Variants in BMPR1B observed in about 807,000 individuals in gnomAD.
BMPR1B encodes bone morphogenetic protein receptor type 1B.
Under a neutral mutation model 59.1 loss-of-function variants are expected in BMPR1B, and 12 were observed. The ratio of observed to expected loss-of-function variants is 0.20; its 90% CI spans 0.13 to 0.33. BMPR1B has a LOEUF of 0.33. Among genes scored for constraint, BMPR1B ranks in the 10% least tolerant of loss-of-function variants. The pLI is 1.00. For missense variants in BMPR1B, 550 were observed against 610.9 expected (o/e 0.90, Z 1.05); for synonymous variants, 237 against 207.3 (o/e 1.14, Z -1.23).
chr4:94,904,589 TA>T (rs1443201690), intron 2 of BMPR1B, among the ~76,000 whole-genome samples: 1 of 152,052 alleles, frequency 6.6e-6, no homozygotes, highest in Non-Finnish European at 1.5e-5. Flanking sequence ...TCAAAGACTG[TA>T]AACCTTTGTT....
At chr4:94,841,646 A>T (rs1424334275) in intron 1 of BMPR1B, among the ~76,000 whole-genome samples, 1 of 151,914 alleles carries the variant, frequency 6.6e-6, no homozygotes, top group East Asian at 1.9e-4. Flanking sequence ...GCACCCACTG[A>T]TCTGCGCCCA....
At position 94,942,382 on chromosome 4, in the gene BMPR1B, G is replaced by A. The variant is rs560722465; in HGVS notation, c.-112-53658G>A. Among the ~76,000 whole-genome samples, 95 of 152,122 alleles carry A rather than the reference G, an allele frequency of 6.2e-4. 1 individual carries two copies. In the South Asian group the frequency reaches 0.016, roughly 26 times the overall value. On this transcript the variant is annotated intron_variant, in intron 2 of 12. Coordinates refer to ENST00000515059, the MANE Select transcript of BMPR1B (RefSeq NM_001203.3). ...CTTTAAAATTATTTGGTTAGTGATC[G>A]TAAATGACTGAGAACATGTGTGACT...
intron 1 of BMPR1B, among the ~76,000 whole-genome samples, chr4:94,844,258 A>T (rs1160757881): frequency 2.0e-5 from 2 of 99,122 alleles, no homozygotes; most frequent in Admixed American, 9.4e-5. Flanking sequence ...TGTGTGTGTG[A>T]ATCTTCTAGT....
chr4:95,124,041 G>T, intron 7 of BMPR1B, 135 bp downstream of exon 7: 2 of 643,930 alleles, frequency 3.1e-6, no homozygotes, highest in Non-Finnish European at 5.4e-6. Flanking sequence ...AACTGAAAAT[G>T]TCTGTTACTG....
chr4:95,086,256 G>C (rs542536565), intron 3 of BMPR1B, among the ~76,000 whole-genome samples: 2 of 152,094 alleles, frequency 1.3e-5, no homozygotes, highest in Non-Finnish European at 2.9e-5. Context: ...GTTCGTTGCT[G>C]TTTGTGTTTA....
At chr4:94,908,331 T>C (rs532282067) in intron 2 of BMPR1B, among the ~76,000 whole-genome samples, 9 of 150,874 alleles carry the variant, frequency 6.0e-5, no homozygotes, top group African/African-American at 2.2e-4. Flanking sequence ...TTGAAATTGT[T>C]TTTTTTTTGG....
chr4:94,956,541 G>A (rs1198272086), intron 2 of BMPR1B, among the ~76,000 whole-genome samples: 1 of 152,220 alleles, frequency 6.6e-6, no homozygotes, highest in Middle Eastern at 3.4e-3. Context: ...AACTGGTAAA[G>A]CTCATCTCCA....
At chr4:94,844,662 C>A (rs946120742) in intron 1 of BMPR1B, among the ~76,000 whole-genome samples, 1 of 91,148 alleles carries the variant, frequency 1.1e-5, no homozygotes, top group South Asian at 4.3e-4. Flanking sequence ...TTATGTCTGC[C>A]TGACTTCCCC....
intron 2 of BMPR1B, among the ~76,000 whole-genome samples, chr4:94,991,708 G>T (rs1282480883): frequency 4.6e-5 from 7 of 152,168 alleles, no homozygotes; most frequent in African/African-American, 1.4e-4. Context: ...CAAGATGAAA[G>T]AATAAAGTGG....
rs7662327 is a variant in BMPR1B, at chr4:94,979,558, C to A, written c.-112-16482C>A. ...GTTTTAACTGGCCAGGTATAGAAACCTTGTGTTTTTGTAAGAAAAGAGGAA... is the reference window on the plus strand; with the variant it reads ...GTTTTAACTGGCCAGGTATAGAAACATTGTGTTTTTGTAAGAAAAGAGGAA... On this transcript the variant is annotated intron_variant, in intron 2 of 12. Transcript: ENST00000515059. Among the ~76,000 whole-genome samples the A allele has an allele frequency of 1.4e-4, 22 of 152,238 alleles. 1 individual carries two copies. Among genetic ancestry groups the A allele is most frequent in the African/African-American group, 5.3e-4 (22 of 41,548 alleles).
chr4:94,902,218 A>T (rs1448790831), intron 2 of BMPR1B, among the ~76,000 whole-genome samples: 2 of 47,842 alleles, frequency 4.2e-5, no homozygotes, highest in Non-Finnish European at 8.6e-5. Flanking sequence ...AATTCAATTC[A>T]CACACACACA....
intron 3 of BMPR1B, among the ~76,000 whole-genome samples, chr4:95,023,779 C>A (rs1281159251): frequency 1.3e-5 from 2 of 152,118 alleles, no homozygotes; most frequent in East Asian, 1.9e-4. Flanking sequence ...AAACAACAGA[C>A]CTCTCATACC....
chr4:94,922,330 C>T (rs1298315), intron 2 of BMPR1B, among the ~76,000 whole-genome samples: 149,082 of 151,562 alleles, frequency 0.98, 73,332 homozygotes, highest in Middle Eastern at 1. Context: ...GGGACGTGTG[C>T]GTGTGTGTAT....
chr4:94,977,796 G>T (rs1484674466), intron 2 of BMPR1B, among the ~76,000 whole-genome samples: 3 of 152,146 alleles, frequency 2.0e-5, no homozygotes, highest in African/African-American at 7.2e-5. Flanking sequence ...GGCGGAGGTT[G>T]TGGTGAGCGG....
intron 1 of BMPR1B, among the ~76,000 whole-genome samples, chr4:94,831,732 A>T (rs1240720953): frequency 6.6e-6 from 1 of 152,198 alleles, no homozygotes; most frequent in Non-Finnish European, 1.5e-5. Flanking sequence ...GGGACCACAC[A>T]GCAGGAGATG....
intron 1 of BMPR1B, among the ~76,000 whole-genome samples, chr4:94,814,391 A>G (rs1723933542): frequency 6.6e-6 from 1 of 152,198 alleles, no homozygotes; most frequent in Non-Finnish European, 1.5e-5. Context: ...TTGTTGACCT[A>G]TCCTCCTTCT....
intron 6 of BMPR1B, 118 bp downstream of exon 6, chr4:95,115,905 A>T: frequency 1.1e-6 from 1 of 908,942 alleles, no homozygotes. Flanking sequence ...GGAGCAGAGC[A>T]CTGAGGCCAG....
chr4:95,030,496 C>T (rs1483652458), intron 3 of BMPR1B, among the ~76,000 whole-genome samples: 7 of 152,058 alleles, frequency 4.6e-5, no homozygotes, highest in Admixed American at 1.3e-4. Context: ...TCCTATTCAA[C>T]ATAGTGTTGG....
chr4:94,908,623 C>T (rs1302586260), intron 2 of BMPR1B, among the ~76,000 whole-genome samples: 3 of 151,878 alleles, frequency 2.0e-5, no homozygotes, highest in Non-Finnish European at 4.4e-5. Context: ...TTTTAATCAG[C>T]TTCAATCCTT....
Sources: gnomAD v4.1 joint callset for allele counts (sites outside exome capture counted in the v4.1 genomes callset) on GRCh38, gnomAD v4.1.1 for gene constraint, MANE v1.5 for transcripts, NCBI Gene and HGNC (gene_info 2026-07-23, HGNC 2026-07-21) for gene names.